The following PRKCQ variants were observed in gnomAD, a reference collection of about 807,000 sequenced individuals.
The protein encoded by PRKCQ is protein kinase C theta, also known as protein kinase C theta type.
Under a neutral mutation model 91.2 loss-of-function variants are expected in PRKCQ, and 41 were observed. That is an observed-to-expected ratio of 0.45 (90% CI 0.35 to 0.58). The LOEUF (loss-of-function observed/expected upper bound fraction) is 0.58. Ranked by LOEUF, PRKCQ falls within the 20% of genes least tolerant of loss-of-function variation. PRKCQ has a pLI of 0.00. For missense variants in PRKCQ, 673 were observed against 896.5 expected (o/e 0.75, Z 3.18); for synonymous variants, 307 against 316.9 (o/e 0.97, Z 0.33).
At chr10:6,400,043 G>A in the PRKCQ span, among the ~76,000 whole-genome samples, 15 of 152,178 alleles carry the variant, frequency 9.9e-5, no homozygotes, top group Admixed American at 2.0e-4. Context: ...TTTGACGCAC[G>A]TCAGAACTGA....
intron 4 of PRKCQ, 119 bp downstream of exon 4, chr10:6,507,317 T>C (rs1434224209): frequency 5.0e-5 from 50 of 998,300 alleles, no homozygotes; most frequent in Non-Finnish European, 4.5e-5. Flanking sequence ...TAAAACAATT[T>C]TGTGCCTCTC....
rs521153 is a variant in PRKCQ at position 6,523,137 on chromosome 10, A to T, written c.-9-7993T>A. 8.7e-4 allele frequency among the ~76,000 whole-genome samples: 133 copies of T among 152,138 alleles called. 1 individual carries two copies. The highest frequency in any genetic ancestry group is 3.0e-3 in the African/African-American group (125 of 41,512). ...ATATTAGCTTTCACCAACAAAAATG[A>T]TCTCAAAAGTGAATTAAAATAGTAA... On this transcript the variant is annotated intron_variant, in intron 1 of 17. Transcript: ENST00000263125.
chr10:6,484,713 C>T (rs1175903297), intron 10 of PRKCQ, among the ~76,000 whole-genome samples: 3 of 152,202 alleles, frequency 2.0e-5, no homozygotes, highest in Non-Finnish European at 2.9e-5. Flanking sequence ...TCATGAACTG[C>T]TTTCAAACAG....
chr10:6,517,270 T>G (rs1431155540), intron 1 of PRKCQ, among the ~76,000 whole-genome samples: 1 of 151,890 alleles, frequency 6.6e-6, no homozygotes, highest in East Asian at 1.9e-4. Flanking sequence ...TCTCCAGATT[T>G]CCACCAATAA....
chr10:6,548,235 A>C (rs1451406710), intron 1 of PRKCQ, among the ~76,000 whole-genome samples: 1 of 150,796 alleles, frequency 6.6e-6, no homozygotes, highest in Non-Finnish European at 1.5e-5. Context: ...AGGAAACAAC[A>C]GGTGCTGGAG....
At chr10:6,573,695 T>C (rs1481008138) in intron 1 of PRKCQ, among the ~76,000 whole-genome samples, 2 of 152,212 alleles carry the variant, frequency 1.3e-5, no homozygotes, top group East Asian at 3.8e-4. Context: ...CTTCTGCAGA[T>C]ATTTAAACCA....
chr10:6,564,796 T>C (rs2130962623), intron 1 of PRKCQ, among the ~76,000 whole-genome samples: 1 of 152,328 alleles, frequency 6.6e-6, no homozygotes, highest in African/African-American at 2.4e-5. Context: ...AGCAATGCTC[T>C]GGGTCAAATA....
Position 6,526,891 on chromosome 10 carries a change from T to C in PRKCQ, c.-9-11747A>G, listed in dbSNP as rs191615455. On this transcript the variant is annotated intron_variant, in intron 1 of 17. Coordinates refer to ENST00000263125, the MANE Select transcript of PRKCQ (RefSeq NM_006257.5). ...GCAAGTGCAGAAGAAGAGAGACTAC[T>C]GGGGGCGACTTCACTCTTCCAGTTG... Among the ~76,000 whole-genome samples the C allele has an allele frequency of 3.4e-3, 516 of 152,242 alleles. 2 individuals carry two copies. The highest frequency in any genetic ancestry group is 0.012 in the African/African-American group (491 of 41,540).
chr10:6,522,838 A>G (rs1366941740), intron 1 of PRKCQ, among the ~76,000 whole-genome samples: 1 of 152,234 alleles, frequency 6.6e-6, no homozygotes, highest in Non-Finnish European at 1.5e-5. Flanking sequence ...AAAGCATTCA[A>G]TGGTTTCCAA....
At chr10:6,503,151 G>C (rs1053713338) in intron 4 of PRKCQ, among the ~76,000 whole-genome samples, 9 of 152,198 alleles carry the variant, frequency 5.9e-5, no homozygotes, top group African/African-American at 1.4e-4. Flanking sequence ...AGCCAGGCTA[G>C]GTAGAGTTAA....
chr10:6,428,250 T>G lies in PRKCQ; in HGVS notation c.2078A>C (p.Asn693Thr). 6.2e-7 allele frequency: 1 copy of G among 1,614,226 alleles called. No individual in the cohort carries two copies. The highest frequency in any genetic ancestry group is 1.3e-5 in the African/African-American group (1 of 75,066). The part of the protein sequence containing the change: ...INSMDQNMFR[N>T]FSFMNPGMER... ...CATCCCGGGGTTCATGAAGGAAAAG[T>G]TCCTGAACATATTCTGGTCCATGCT... Residue 693 changes from asparagine (N) to threonine (T), a missense_variant, in exon 18 of 18, where the codon AAC (asparagine) becomes ACC (threonine). By Grantham distance (65) the Asn-to-Thr change is moderately conservative (BLOSUM62 0). Coordinates refer to ENST00000263125, the MANE Select transcript of PRKCQ (RefSeq NM_006257.5).
At chr10:6,544,147 G>C (rs571689641) in intron 1 of PRKCQ, among the ~76,000 whole-genome samples, 3 of 152,142 alleles carry the variant, frequency 2.0e-5, no homozygotes, top group African/African-American at 4.8e-5. Flanking sequence ...AGAATCAAAG[G>C]GTTATGTAGA....
rs757718377 is a variant in PRKCQ at position 6,444,686 on chromosome 10, C to T, written c.1648-2605G>A. Among the ~76,000 whole-genome samples the T allele has an allele frequency of 8.6e-5, 11 of 127,256 alleles. No individual in the cohort carries two copies. In the South Asian group the frequency reaches 3.1e-3, roughly 36 times the overall value. 83.5% of individuals were successfully genotyped at this position (127,256 alleles called of 152,430 possible). A position where few individuals can be genotyped will look rare whatever the true frequency, so the allele number is the denominator to read the frequency against. On this transcript the variant is annotated intron_variant, in intron 15 of 17. Transcript: ENST00000263125. Reference sequence around the variant, plus strand: ...TGTGTTTGGGCTTAGCTGGGTGCATCTGTGAACAGACACACATAAATACAC... The same window carrying T: ...TGTGTTTGGGCTTAGCTGGGTGCATTTGTGAACAGACACACATAAATACAC...
chr10:6,481,524 T>G (rs909474650), intron 11 of PRKCQ, among the ~76,000 whole-genome samples: 21 of 152,378 alleles, frequency 1.4e-4, no homozygotes, highest in African/African-American at 4.6e-4. Context: ...TGGTTCATAT[T>G]ATTGTGGAAC....
chr10:6,506,316 T>C (rs1838202545), intron 4 of PRKCQ, among the ~76,000 whole-genome samples: 1 of 152,216 alleles, frequency 6.6e-6, no homozygotes, highest in African/African-American at 2.4e-5. Flanking sequence ...TCAGCAATTA[T>C]TAACTGATGG....
chr10:6,553,825 T>A (rs1840304960), intron 1 of PRKCQ, among the ~76,000 whole-genome samples: 1 of 152,234 alleles, frequency 6.6e-6, no homozygotes, highest in Non-Finnish European at 1.5e-5. Flanking sequence ...AAATTATTTC[T>A]GAGCACCTAA....
chr10:6,564,142 G>T (rs904656377), intron 1 of PRKCQ, among the ~76,000 whole-genome samples: 1 of 152,138 alleles, frequency 6.6e-6, no homozygotes, highest in Non-Finnish European at 1.5e-5. Context: ...CACGGGCCCC[G>T]CAAAGATTCG....
At chr10:6,523,318 G>GCA (rs774570906) in intron 1 of PRKCQ, among the ~76,000 whole-genome samples, 144 of 152,020 alleles carry the variant, frequency 9.5e-4, no homozygotes, top group Non-Finnish European at 7.5e-4. Context: ...GGGCATGGTG[G>GCA]CACACACCTA....
At chr10:6,404,816 ATTCTTTCTTTCC>A in the PRKCQ span, among the ~76,000 whole-genome samples, 3 of 64,150 alleles carry the variant, frequency 4.7e-5, no homozygotes, top group African/African-American at 2.0e-4. Flanking sequence ...TCTCTCTTTC[ATTCTTTCTTTCC>A]TTCTTTCTTT....
Sources: gnomAD v4.1 joint callset for allele counts (sites outside exome capture counted in the v4.1 genomes callset) on GRCh38, gnomAD v4.1.1 for gene constraint, MANE v1.5 for transcripts, NCBI Gene and HGNC (gene_info 2026-07-23, HGNC 2026-07-21) for gene names.